Variants in SLC26A8 observed in about 807,000 individuals in gnomAD.
SLC26A8 encodes the protein testis anion transporter 1.
A neutral mutation model predicts 105.0 loss-of-function variants in SLC26A8; 70 were observed. The ratio of observed to expected loss-of-function variants is 0.67; its 90% CI spans 0.55 to 0.81. SLC26A8 has a LOEUF of 0.81. Ranked by LOEUF, SLC26A8 falls within the 40% of genes least tolerant of loss-of-function variation. SLC26A8 has a pLI of 0.00. For missense variants in SLC26A8, 998 were observed against 1,181.8 expected, an observed-to-expected ratio of 0.84 and a Z score of 2.28; for synonymous variants, 415 against 438.3, an observed-to-expected ratio of 0.95 and a Z score of 0.66.
intron 8 of SLC26A8, among the ~76,000 whole-genome samples, chr6:35,979,483 AT>A (rs753690351): frequency 2.4e-4 from 37 of 152,106 alleles, no homozygotes; most frequent in Non-Finnish European, 4.3e-4. Flanking sequence ...CTCAAAAAAA[AT>A]AATAAAATAA....
At chr6:35,975,080 C>T (rs1772950515) in intron 10 of SLC26A8, among the ~76,000 whole-genome samples, 1 of 151,990 alleles carries the variant, frequency 6.6e-6, no homozygotes, top group Non-Finnish European at 1.5e-5. Flanking sequence ...ATATTCTTAT[C>T]CTTTAGGTAT....
intron 11 of SLC26A8, among the ~76,000 whole-genome samples, chr6:35,966,267 A>G (rs1329097390): frequency 6.6e-6 from 1 of 152,196 alleles, no homozygotes; most frequent in East Asian, 1.9e-4. Flanking sequence ...CATCTTTTCC[A>G]CTATGCTATC....
chr6:36,012,356 A>T lies in SLC26A8; in HGVS notation c.205T>A (p.Phe69Ile), dbSNP rs1165984018. 1 of 1,590,278 alleles carries T rather than the reference A, an allele frequency of 6.3e-7. No individual in the cohort carries two copies. Among genetic ancestry groups the T allele is most frequent in the African/African-American group, 1.4e-5 (1 of 73,310 alleles). Reference sequence around the variant, plus strand: ...AAGATTGTAAGCACGCATCGTAGGAACCTGTGCCATGAGCAGCTGTGAGAG... The same window carrying T: ...AAGATTGTAAGCACGCATCGTAGGATCCTGTGCCATGAGCAGCTGTGAGAG... Reference protein sequence around the residue: ...HVQCRCSWHRFLRCVLTIFPF... With the variant: ...HVQCRCSWHRILRCVLTIFPF... Residue 69 changes from phenylalanine (F) to isoleucine (I), a missense_variant, in exon 3 of 20, where the codon TTC (phenylalanine) becomes ATC (isoleucine). By Grantham distance (21) the Phe-to-Ile change is conservative. Transcript: ENST00000490799.
chr6:35,945,055 G>C (rs999514506), intron 19 of SLC26A8, among the ~76,000 whole-genome samples: 9 of 152,126 alleles, frequency 5.9e-5, no homozygotes, highest in Non-Finnish European at 8.8e-5. Flanking sequence ...TCACCATGTT[G>C]GCCAGGCTGG....
At chr6:35,945,807 ACT>A (rs1352089795) in intron 19 of SLC26A8, among the ~76,000 whole-genome samples, 1 of 152,360 alleles carries the variant, frequency 6.6e-6, no homozygotes, top group East Asian at 1.9e-4. Flanking sequence ...AGTACCAGAC[ACT>A]GAGCTTGTCA....
At chr6:35,959,614 T>C in intron 15 of SLC26A8, 23 bp from the exon 16 acceptor site, 1 of 1,610,226 alleles carries the variant, frequency 6.2e-7, no homozygotes, top group South Asian at 1.1e-5. Flanking sequence ...AGAGGTCTCA[T>C]CCAGAGGAAG....
chr6:35,947,175 C>T (rs777309318), intron 19 of SLC26A8, among the ~76,000 whole-genome samples: 15 of 152,010 alleles, frequency 9.9e-5, no homozygotes, highest in Non-Finnish European at 1.9e-4. Context: ...GTTATAGGCA[C>T]GCGCCAGCAT....
chr6:35,982,544 T>G lies in SLC26A8; in HGVS notation c.943-341A>C, dbSNP rs1009514277. Reference sequence around the variant, plus strand: ...TTAATATATTTGAATCTCAATGGCTTTCAGTGAGATCGATCCATTTAAATA... The same window carrying G: ...TTAATATATTTGAATCTCAATGGCTGTCAGTGAGATCGATCCATTTAAATA... On this transcript the variant is annotated intron_variant, in intron 7 of 19. Coordinates refer to ENST00000490799, the MANE Select transcript of SLC26A8 (RefSeq NM_052961.4). Among the ~76,000 whole-genome samples the G allele has an allele frequency of 2.6e-5, 4 of 152,338 alleles. No individual in the cohort carries two copies. In the East Asian group the frequency reaches 7.7e-4, roughly 29 times the overall value.
intron 16 of SLC26A8, among the ~76,000 whole-genome samples, chr6:35,958,955 G>T (rs1442991506): frequency 1.3e-5 from 2 of 152,064 alleles, no homozygotes; most frequent in Non-Finnish European, 2.9e-5. Flanking sequence ...TGAAATAGCG[G>T]CCTGTGCTCA....
chr6:35,978,245 C>T (rs1410187680), intron 8 of SLC26A8, among the ~76,000 whole-genome samples: 2 of 129,064 alleles, frequency 1.5e-5, no homozygotes, highest in Non-Finnish European at 3.6e-5. Context: ...AAGGATAATA[C>T]ACTATGGTCA....
chr6:35,966,135 G>A (rs1005036500), intron 11 of SLC26A8, among the ~76,000 whole-genome samples: 4 of 152,120 alleles, frequency 2.6e-5, no homozygotes, highest in African/African-American at 9.7e-5. Context: ...CACGAGGAAT[G>A]GCTGAGTCCA....
rs1164554578 is a variant in SLC26A8, at chr6:36,005,448, CCTGT to C, written c.329-5344_329-5341del. Among the ~76,000 whole-genome samples the C allele has an allele frequency of 5.9e-5, 9 of 152,200 alleles. No homozygotes were observed. The East Asian group carries it at 1.7e-3, about 29-fold the overall frequency. Reference sequence around the variant, plus strand: ...ATCTATAACAGTTCCTTAATTTTTACCTGTCTTTCATGACTTTGACAAATTAAGA... The same window carrying C: ...ATCTATAACAGTTCCTTAATTTTTACCTTTCATGACTTTGACAAATTAAGA... On this transcript the variant is annotated intron_variant, in intron 3 of 19. Coordinates refer to ENST00000490799, the MANE Select transcript of SLC26A8 (RefSeq NM_052961.4).
At chr6:35,962,709 T>C (rs1203124135) in intron 11 of SLC26A8, 88 bp from the exon 12 acceptor site, 3 of 1,219,346 alleles carry the variant, frequency 2.5e-6, no homozygotes, top group Non-Finnish European at 3.6e-6. Context: ...AAAGTTAGCC[T>C]TGCCACTTTG....
In SLC26A8 at chr6:36,012,240, A is replaced by C; in HGVS notation, c.321T>G (p.Val107=). 1.9e-6 allele frequency: 3 copies of C among 1,612,220 alleles called. No individual in the cohort carries two copies. Among genetic ancestry groups the C allele is most frequent in the South Asian group, 2.2e-5 (2 of 90,674 alleles). Residue 107 remains valine (V), a synonymous_variant, in exon 3 of 20, where the codon GTT becomes GTG. Coordinates refer to ENST00000490799, the MANE Select transcript of SLC26A8 (RefSeq NM_052961.4). The stretch of plus-strand genomic sequence containing the variant: ...GCTTCATATCTTCCTTACCTTGGGG[A>C]ACTTGCACAAGGCCAACACTTATAC... The part of the protein sequence containing the change: ...LAGISVGLVQ[V]PQGLTLSLLA...
At chr6:36,006,437 CA>C (rs1156519529) in intron 3 of SLC26A8, among the ~76,000 whole-genome samples, 14 of 152,088 alleles carry the variant, frequency 9.2e-5, no homozygotes, top group Non-Finnish European at 7.4e-5. Context: ...CATTTTTATT[CA>C]ACAAACATCT....
intron 3 of SLC26A8, among the ~76,000 whole-genome samples, chr6:36,007,721 T>A (rs540040847): frequency 1.3e-5 from 2 of 152,236 alleles, no homozygotes; most frequent in East Asian, 3.9e-4. Flanking sequence ...GATAGACACA[T>A]AGATCAATGG....
At chr6:35,989,846 T>G (rs1352979947) in intron 7 of SLC26A8, 2 of 152,214 alleles carry the variant, frequency 1.3e-5, no homozygotes. Context: ...GTTGTTGAGA[T>G]TGTGTTTGCT....
intron 12 of SLC26A8, among the ~76,000 whole-genome samples, chr6:35,961,846 C>T (rs1417509693): frequency 6.6e-6 from 1 of 152,178 alleles, no homozygotes; most frequent in Non-Finnish European, 1.5e-5. Context: ...GAGTGTGCTC[C>T]AGCAGTTATT....
At chr6:35,988,872 G>A (rs866827726) in intron 7 of SLC26A8, among the ~76,000 whole-genome samples, 2 of 132,296 alleles carry the variant, frequency 1.5e-5, no homozygotes, top group African/African-American at 2.9e-5. Context: ...ACGGAATCTC[G>A]CTCTGTTGCC....
Sources: allele counts gnomAD v4.1 joint callset (sites outside exome capture counted in the v4.1 genomes callset), GRCh38; gene constraint gnomAD v4.1.1; transcripts MANE v1.5; gene names NCBI Gene and HGNC (gene_info 2026-07-23, HGNC 2026-07-21).